The following FHIT variants were observed in gnomAD, a reference collection of about 807,000 sequenced individuals.
The protein encoded by FHIT is bis(5'-adenosyl)-triphosphatase.
FHIT carries 19 observed loss-of-function variants against 17.9 expected under a neutral mutation model. The ratio of observed to expected loss-of-function variants is 1.06; its 90% CI spans 0.74 to 1.56. The LOEUF (loss-of-function observed/expected upper bound fraction) is 1.56, where lower values mean the gene tolerates loss of function less well. Among genes scored for constraint, FHIT ranks in the 40% most tolerant of loss-of-function variants. FHIT has a pLI of 0.00. For synonymous variants in FHIT, 81 were observed against 69.7 expected (o/e 1.16, Z -0.81); for missense variants, 248 against 189.2 (o/e 1.31, Z -1.82).
chr3:60,165,360 GC>G (rs1559691284), intron 5 of FHIT, among the ~76,000 whole-genome samples: 2 of 152,164 alleles, frequency 1.3e-5, no homozygotes, highest in African/African-American at 4.8e-5. Flanking sequence ...TGCCTTCAGC[GC>G]AACTGTCATT....
chr3:60,820,879 A>G (rs1215930956), intron 4 of FHIT, among the ~76,000 whole-genome samples: 1 of 152,146 alleles, frequency 6.6e-6, no homozygotes, highest in African/African-American at 2.4e-5. Context: ...AGGAGTAAAT[A>G]TGAGTCCTAA....
intron 5 of FHIT, among the ~76,000 whole-genome samples, chr3:60,257,395 T>C (rs1484872922): frequency 2.0e-5 from 3 of 152,142 alleles, no homozygotes; most frequent in South Asian, 2.1e-4. Flanking sequence ...ACACTGCTTG[T>C]CCATTCACAT....
chr3:60,448,216 G>T (rs971760996), intron 5 of FHIT, among the ~76,000 whole-genome samples: 1 of 152,138 alleles, frequency 6.6e-6, no homozygotes, highest in African/African-American at 2.4e-5. Flanking sequence ...GGATTACTAA[G>T]ATCAAATGCC....
chr3:60,626,805 C>CTTTGT (rs34696094), intron 4 of FHIT, among the ~76,000 whole-genome samples: 1 of 136,138 alleles, frequency 7.3e-6, no homozygotes, highest in East Asian at 2.1e-4. Context: ...TTTTTTTTTA[C>CTTTGT]GTTAAGTATG....
chr3:60,733,467 C>G (rs2042073954), intron 4 of FHIT, among the ~76,000 whole-genome samples: 2 of 151,928 alleles, frequency 1.3e-5, no homozygotes, highest in African/African-American at 4.8e-5. Context: ...GTTTTTAGGC[C>G]AGTGAGCTGA....
At chr3:61,198,202 G>A (rs553647328) in intron 2 of FHIT, among the ~76,000 whole-genome samples, 10 of 152,164 alleles carry the variant, frequency 6.6e-5, no homozygotes, top group South Asian at 4.1e-4. Context: ...GAAGGATACT[G>A]GAGTCTCAGC....
rs571620845 is a variant in FHIT, at chr3:59,754,316, T to G, written c.349-1995A>C. 1.2e-4 allele frequency among the ~76,000 whole-genome samples: 18 copies of G among 152,292 alleles called. 1 individual carries two copies. In the South Asian group the frequency reaches 3.5e-3, roughly 30 times the overall value. On this transcript the variant is annotated intron_variant, in intron 8 of 9. Transcript: ENST00000492590. ...CAGAATTTGGCTGCCAGCACGCTGA[T>G]TTTACATTTTGCCATGTAGATTTAA...
Position 60,955,627 on chromosome 3 carries a change from T to TAC in FHIT, c.-111+86419_-111+86420insGT, listed in dbSNP as rs1176450713. Among the ~76,000 whole-genome samples the TAC allele has an allele frequency of 1.6e-4, 5 of 30,980 alleles. 1 individual carries two copies. Among genetic ancestry groups the TAC allele is most frequent in the East Asian group, 9.7e-4 (1 of 1,036 alleles). 20.3% of individuals were successfully genotyped at this position (30,980 alleles called of 152,430 possible). On this transcript the variant is annotated intron_variant, in intron 3 of 9. Coordinates refer to ENST00000492590, the MANE Select transcript of FHIT (RefSeq NM_002012.4). ...ATATATATATATATATATATATATA[T>TAC]ATATATACACACACACACATATATA...
chr3:60,331,707 G>A (rs763327203), intron 5 of FHIT, among the ~76,000 whole-genome samples: 13 of 151,944 alleles, frequency 8.6e-5, no homozygotes, highest in East Asian at 1.9e-4. Context: ...TTAGCTGGGC[G>A]TGGTGGCGCA....
chr3:60,120,659 A>G (rs1286646883), intron 5 of FHIT, among the ~76,000 whole-genome samples: 1 of 152,222 alleles, frequency 6.6e-6, no homozygotes, highest in Non-Finnish European at 1.5e-5. Context: ...GAAGTATTTG[A>G]ACAGCCTATT....
At chr3:61,149,897 A>T (rs1313296839) in intron 2 of FHIT, among the ~76,000 whole-genome samples, 1 of 152,064 alleles carries the variant, frequency 6.6e-6, no homozygotes, top group Non-Finnish European at 1.5e-5. Context: ...AAAATGCTAA[A>T]CTGGACAAGA....
intron 5 of FHIT, among the ~76,000 whole-genome samples, chr3:60,281,682 C>T (rs1188992025): frequency 6.8e-6 from 1 of 146,894 alleles, no homozygotes; most frequent in Non-Finnish European, 1.5e-5. Context: ...AAACTCAAAA[C>T]GCATCACAGA....
chr3:60,629,343 A>C (rs2039380890), intron 4 of FHIT, among the ~76,000 whole-genome samples: 1 of 152,138 alleles, frequency 6.6e-6, no homozygotes, highest in African/African-American at 2.4e-5. Flanking sequence ...GATTCTTCAG[A>C]TTTGCTCACA....
chr3:60,476,753 A>C (rs1263244030), intron 5 of FHIT, among the ~76,000 whole-genome samples: 1 of 152,124 alleles, frequency 6.6e-6, no homozygotes, highest in African/African-American at 2.4e-5. Context: ...ACCATTTATA[A>C]GGCGCAGAAC....
intron 3 of FHIT, among the ~76,000 whole-genome samples, chr3:60,890,666 G>A (rs571591868): frequency 6.6e-6 from 1 of 152,320 alleles, no homozygotes; most frequent in Admixed American, 6.5e-5. Context: ...CCTAGGAGCA[G>A]CTTTTCCAAA....
At chr3:59,977,426 C>G (rs1708463224) in intron 7 of FHIT, among the ~76,000 whole-genome samples, 2 of 152,168 alleles carry the variant, frequency 1.3e-5, no homozygotes, top group African/African-American at 4.8e-5. Flanking sequence ...ATAAATCCAG[C>G]CTGCCAAACC....
Position 60,466,004 on chromosome 3 carries a change from C to A in FHIT, c.103+70856G>T, listed in dbSNP as rs537460853. Among the ~76,000 whole-genome samples the A allele has an allele frequency of 5.9e-5, 9 of 152,150 alleles. No homozygotes were observed. In the East Asian group the frequency reaches 1.7e-3, roughly 29 times the overall value. The stretch of plus-strand genomic sequence containing the variant: ...AATGGGCATTTTAACAGTATTGATT[C>A]TTCCAAACCATGAACATGGAATATC... On this transcript the variant is annotated intron_variant, in intron 5 of 9. Transcript: ENST00000492590.
chr3:59,882,851 C>G (rs955606981), intron 8 of FHIT, among the ~76,000 whole-genome samples: 12 of 152,130 alleles, frequency 7.9e-5, no homozygotes, highest in Admixed American at 5.2e-4. Context: ...AACACATAAG[C>G]CTAAAGCTGA....
chr3:60,586,023 T>C (rs554757270), intron 4 of FHIT, among the ~76,000 whole-genome samples: 2 of 152,046 alleles, frequency 1.3e-5, no homozygotes, highest in East Asian at 1.9e-4. Flanking sequence ...GAGAATCTCA[T>C]TGGACTAGTA....
Sources: gnomAD v4.1 joint callset for allele counts (sites outside exome capture counted in the v4.1 genomes callset) on GRCh38, gnomAD v4.1.1 for gene constraint, MANE v1.5 for transcripts, NCBI Gene and HGNC (gene_info 2026-07-23, HGNC 2026-07-21) for gene names.